Variants in IQSEC3 observed in about 807,000 individuals in gnomAD.
The protein encoded by IQSEC3 is IQ motif and SEC7 domain-containing protein 3.
IQSEC3 carries 50 observed loss-of-function variants against 105.4 expected under a neutral mutation model. The observed-to-expected ratio is 0.47, with a 90% CI of 0.38 to 0.60. The LOEUF (loss-of-function observed/expected upper bound fraction) is 0.60, where lower values mean the gene tolerates loss of function less well. IQSEC3 is among the 20% of genes least tolerant of loss of function. The pLI is 0.00. For synonymous variants in IQSEC3, 708 were observed against 746.0 expected (o/e 0.95, Z 0.83); for missense variants, 1,415 against 1,630.0 (o/e 0.87, Z 2.27).
intron 7 of IQSEC3, among the ~76,000 whole-genome samples, chr12:161,276 A>G (rs1866879851): frequency 6.6e-6 from 1 of 152,244 alleles, no homozygotes; most frequent in African/African-American, 2.4e-5. Context: ...CTGTTTCTCC[A>G]AAAGAAACGT....
intron 11 of IQSEC3, chr12:166,192 C>T (rs986255825): frequency 7.4e-5 from 28 of 378,358 alleles, no homozygotes; most frequent in African/African-American, 3.1e-4. Flanking sequence ...GATGACCAAG[C>T]GAGCTGGCCA....
intron 13 of IQSEC3, 40 bp from the exon 14 acceptor site, chr12:174,559 C>A: frequency 6.7e-7 from 1 of 1,497,510 alleles, no homozygotes; most frequent in Non-Finnish European, 8.9e-7. Context: ...GGGAATTAGT[C>A]TTGTAACATT....
intron 2 of IQSEC3, among the ~76,000 whole-genome samples, chr12:105,882 A>G (rs1192507170): frequency 1.3e-5 from 2 of 152,152 alleles, no homozygotes. Context: ...TGGCCCCTTC[A>G]TGTGACCTAG....
chr12:79,186 G>A (rs2136879335), intron 1 of IQSEC3, among the ~76,000 whole-genome samples: 1 of 151,682 alleles, frequency 6.6e-6, no homozygotes, highest in Middle Eastern at 3.4e-3. Flanking sequence ...TGCAGCGCAG[G>A]GGCTGTGGCC....
At chr12:99,488 T>C (rs781812532) in intron 2 of IQSEC3, among the ~76,000 whole-genome samples, 31 of 152,346 alleles carry the variant, frequency 2.0e-4, no homozygotes, top group Middle Eastern at 3.4e-3. Context: ...AATCTAACTT[T>C]TGTAAGCAGC....
chr12:80,245 TTCTCC>T (rs1863699730), intron 1 of IQSEC3, among the ~76,000 whole-genome samples: 1 of 152,226 alleles, frequency 6.6e-6, no homozygotes, highest in African/African-American at 2.4e-5. Flanking sequence ...CGGCAAGTGC[TTCTCC>T]GTCTGAAAAC....
chr12:74,934 G>A (rs147409172), intron 1 of IQSEC3, among the ~76,000 whole-genome samples: 12 of 152,374 alleles, frequency 7.9e-5, no homozygotes, highest in East Asian at 1.9e-4. Context: ...ATTATGTGAC[G>A]ATGGACCAAA....
intron 3 of IQSEC3, among the ~76,000 whole-genome samples, chr12:130,507 G>T (rs1315382350): frequency 6.6e-6 from 1 of 152,200 alleles, no homozygotes; most frequent in East Asian, 1.9e-4. Flanking sequence ...TGAGGAACAG[G>T]CCCCATGGAA....
chr12:106,011 C>A (rs1423032993), intron 2 of IQSEC3, among the ~76,000 whole-genome samples: 10 of 152,200 alleles, frequency 6.6e-5, no homozygotes, highest in African/African-American at 2.4e-4. Context: ...GAGGAGAAGT[C>A]CTGCTAACTC....
intron 4 of IQSEC3, 154 bp downstream of exon 4, chr12:139,508 C>T (rs1441848570): frequency 9.4e-6 from 5 of 532,860 alleles, no homozygotes; most frequent in Non-Finnish European, 1.6e-5. Flanking sequence ...TGCCTGATCC[C>T]TGAGGTCATG....
At chr12:160,557 G>A (rs10848454) in intron 7 of IQSEC3, among the ~76,000 whole-genome samples, 44,485 of 152,042 alleles carry the variant, frequency 0.29, 8,770 homozygotes, top group African/African-American at 0.56. Context: ...GCAGAGTCCC[G>A]GCTTGGCTGG....
At chr12:103,794 GCA>G (rs1864534851) in intron 2 of IQSEC3, among the ~76,000 whole-genome samples, 2 of 17,852 alleles carry the variant, frequency 1.1e-4, no homozygotes, top group African/African-American at 2.3e-4. Context: ...CGGGGCTCAG[GCA>G]GGAGACGTGG....
At chr12:155,542 G>A (rs1280441786) in intron 5 of IQSEC3, among the ~76,000 whole-genome samples, 1 of 152,224 alleles carries the variant, frequency 6.6e-6, no homozygotes, top group Non-Finnish European at 1.5e-5. Context: ...ACCTGTGGGA[G>A]GCGGAGTCCA....
chr12:70,471 A>G (rs1228827092), intron 1 of IQSEC3, among the ~76,000 whole-genome samples: 1 of 152,274 alleles, frequency 6.6e-6, no homozygotes, highest in Non-Finnish European at 1.5e-5. Context: ...ATTTCTCTGC[A>G]TGCTTCTTGA....
chr12:145,026 G>T (rs930468137), intron 5 of IQSEC3, among the ~76,000 whole-genome samples: 5 of 152,178 alleles, frequency 3.3e-5, no homozygotes, highest in Admixed American at 1.3e-4. Context: ...AGCGATGGGG[G>T]TCTCACTGTG....
chr12:97,880 C>T (rs1555075114), intron 1 of IQSEC3, among the ~76,000 whole-genome samples: 1 of 152,246 alleles, frequency 6.6e-6, no homozygotes, highest in African/African-American at 2.4e-5. Flanking sequence ...CCTGTCTACA[C>T]TCTCAGACCC....
intron 2 of IQSEC3, among the ~76,000 whole-genome samples, chr12:115,478 G>C (rs964333387): frequency 6.6e-6 from 1 of 152,168 alleles, no homozygotes; most frequent in Non-Finnish European, 1.5e-5. Context: ...ACAGGGCTCC[G>C]CGAGGGAGCT....
chr12:163,978 AGGGCCTAGGCGGAGCATGCTCTGTCCCT>A (rs1712763499), intron 9 of IQSEC3, among the ~76,000 whole-genome samples: 2 of 152,194 alleles, frequency 1.3e-5, no homozygotes, highest in African/African-American at 2.4e-5. Flanking sequence ...TGGGAGGAGC[AGGGCCTAGGCGGAGCATGCTCTGTCCCT>A]GGGCCTAGGC....
intron 2 of IQSEC3, among the ~76,000 whole-genome samples, chr12:125,372 A>G (rs1865352783): frequency 6.6e-6 from 1 of 152,070 alleles, no homozygotes. Flanking sequence ...TACTGCTTCT[A>G]AGCAGAGGCT....
Sources: allele counts gnomAD v4.1 joint callset (sites outside exome capture counted in the v4.1 genomes callset), GRCh38; gene constraint gnomAD v4.1.1; transcripts MANE v1.5; gene names NCBI Gene and HGNC (gene_info 2026-07-23, HGNC 2026-07-21).